Variants in DRC7 observed in about 807,000 individuals in gnomAD.
The protein encoded by DRC7 is dynein regulatory complex subunit 7.
DRC7 carries 80 observed loss-of-function variants against 104.4 expected under a neutral mutation model. The observed-to-expected ratio is 0.77, with a 90% CI of 0.64 to 0.92. DRC7 has a LOEUF of 0.92. DRC7 is among the 40% of genes least tolerant of loss of function. The pLI is 0.00. For missense variants in DRC7, 1,034 were observed against 1,141.1 expected (o/e 0.91, Z 1.35); for synonymous variants, 405 against 447.3 (o/e 0.91, Z 1.19).
intron 14 of DRC7, chr16:57,726,605 A>T (rs1412761477): frequency 9.1e-6 from 5 of 548,940 alleles, no homozygotes; most frequent in Non-Finnish European, 1.6e-5. Context: ...TAGCTTTCCT[A>T]GTCAAACGCT....
intron 7 of DRC7, among the ~76,000 whole-genome samples, chr16:57,705,645 A>ATTT (rs2048707773): frequency 8.9e-6 from 1 of 112,968 alleles, no homozygotes; most frequent in Non-Finnish European, 1.8e-5. Context: ...CCATCCTCCC[A>ATTT]CCCATCCTCC....
At chr16:57,707,092 A>C (rs1413866164) in intron 7 of DRC7, among the ~76,000 whole-genome samples, 1 of 152,160 alleles carries the variant, frequency 6.6e-6, no homozygotes, top group Non-Finnish European at 1.5e-5. Context: ...AATGAACAAC[A>C]AGACAGTCAC....
rs115337501 is a variant in DRC7, at chr16:57,730,983, C to T, written c.2444C>T (p.Thr815Met). The T allele has an allele frequency of 2.6e-3, 4,202 of 1,613,562 alleles. 113 individuals carry two copies. In the South Asian group the frequency reaches 0.033, roughly 13 times the overall value. The change falls in exon 18 of 19, where the codon ACG (threonine) becomes ATG (methionine). Residue 815 changes from threonine to methionine, a missense_variant. Transcript: ENST00000360716. ...KQQWYQENQVTLTPEDEDLYL... is the reference protein window; with the variant it reads ...KQQWYQENQVMLTPEDEDLYL... Reference sequence around the variant, plus strand: ...CAGTGGTACCAGGAGAACCAGGTGACGCTGACACCCGAGGATGAAGACCTG... The same window carrying T: ...CAGTGGTACCAGGAGAACCAGGTGATGCTGACACCCGAGGATGAAGACCTG...
rs769070738 is a variant in DRC7, at chr16:57,727,250, A to T, written c.2086-49A>T. 48 of 1,448,898 alleles carry T rather than the reference A, an allele frequency of 3.3e-5. No homozygotes were observed. The South Asian group carries it at 5.3e-4, about 16-fold the overall frequency. The allele number at this position is 1,448,898 out of a possible 1,614,324, so 89.8% of individuals were successfully genotyped here. ...CTTCCCAAAGTGCTGGGGTTACAGG[A>T]GTGGAGGAGGGGTGTCTCCATCACG... On this transcript the variant is annotated intron_variant, in intron 15 of 18. Coordinates refer to ENST00000360716, the MANE Select transcript of DRC7 (RefSeq NM_001289162.2).
intron 17 of DRC7, among the ~76,000 whole-genome samples, chr16:57,728,874 A>ATGGGTAGATAGATGGATGAATAGG (rs1555575956): frequency 7.3e-6 from 1 of 137,926 alleles, no homozygotes; most frequent in African/African-American, 2.9e-5. Context: ...AGATGGATGA[A>ATGGGTAGATAGATGGATGAATAGG]TAGATAGATG....
intron 10 of DRC7, 125 bp from the exon 11 acceptor site, chr16:57,722,588 C>T: frequency 7.6e-7 from 1 of 1,319,038 alleles, no homozygotes; most frequent in South Asian, 1.4e-5. Flanking sequence ...CTCCCTGGAT[C>T]AGGCTTGGGG....
intron 8 of DRC7, chr16:57,714,634 T>TCACACA (rs111259708): frequency 0.016 from 2,993 of 186,890 alleles, 81 homozygotes; most frequent in African/African-American, 0.068. Flanking sequence ...TCTCTCTCTG[T>TCACACA]CACACACACA....
intron 17 of DRC7, among the ~76,000 whole-genome samples, chr16:57,729,570 G>A (rs1212745628): frequency 1.2e-4 from 11 of 92,442 alleles, no homozygotes; most frequent in African/African-American, 3.4e-4. Flanking sequence ...GAGTGGGTGG[G>A]TGGATGGATG....
Position 57,707,514 on chromosome 16 carries a change from GTCCTTGTGCTA to G in DRC7, c.916_926del (p.Leu306GlyfsTer7). 1 of 1,613,472 alleles carries G rather than the reference GTCCTTGTGCTA, an allele frequency of 6.2e-7. No homozygotes were observed. The highest frequency in any genetic ancestry group is 8.5e-7 in the Non-Finnish European group (1 of 1,180,030). ...GCACGGCCTGCGGGTGCACTCCTGG[GTCCTTGTGCTA>G]TCGGGGAAGCGCGAGGTGCCTGAGA... is the stretch of plus-strand genomic sequence containing the variant. On this transcript the variant is annotated frameshift_variant, in exon 8 of 19. Coordinates refer to ENST00000360716, the MANE Select transcript of DRC7 (RefSeq NM_001289162.2). LOFTEE classifies it high-confidence loss of function.
intron 16 of DRC7, among the ~76,000 whole-genome samples, chr16:57,727,633 A>C (rs1371316847): frequency 6.6e-6 from 1 of 152,224 alleles, no homozygotes; most frequent in Non-Finnish European, 1.5e-5. Flanking sequence ...GCTGTAGCCA[A>C]GCCAAGGCCT....
chr16:57,731,113 G>C, intron 18 of DRC7, 43 bp downstream of exon 18: 3 of 1,613,672 alleles, frequency 1.9e-6, no homozygotes, highest in Non-Finnish European at 2.5e-6. Context: ...TGGGAGGCTG[G>C]ACCACCAGCT....
chr16:57,705,598 T>C (rs1378599152), intron 7 of DRC7, among the ~76,000 whole-genome samples: 1 of 118,386 alleles, frequency 8.4e-6, no homozygotes, highest in East Asian at 3.2e-4. Flanking sequence ...CAACCATCCA[T>C]TCTCCCATCT....
chr16:57,717,480 C>T (rs192149989), intron 8 of DRC7, among the ~76,000 whole-genome samples: 158 of 151,370 alleles, frequency 1.0e-3, no homozygotes, highest in East Asian at 0.01. Context: ...AGGCGTATCA[C>T]TTGAGGTCAG....
chr16:57,699,059 C>T (rs1225949956), intron 4 of DRC7, 35 bp downstream of exon 4: 1 of 1,604,560 alleles, frequency 6.2e-7, no homozygotes, highest in South Asian at 1.1e-5. Flanking sequence ...GGCTGGGGAG[C>T]CTGGGGCTGG....
chr16:57,722,195 T>A (rs2048910615), intron 10 of DRC7, among the ~76,000 whole-genome samples: 3 of 151,880 alleles, frequency 2.0e-5, no homozygotes, highest in Non-Finnish European at 4.4e-5. Flanking sequence ...CCCAGACCTA[T>A]GGGGAGGGCA....
chr16:57,727,503 C>T, intron 16 of DRC7, 94 bp downstream of exon 16: 1 of 865,150 alleles, frequency 1.2e-6, no homozygotes, highest in South Asian at 1.4e-5. Context: ...CTGAGAAACC[C>T]TCTGTGGGGG....
At chr16:57,730,306 T>G (rs1597817405) in intron 17 of DRC7, among the ~76,000 whole-genome samples, 2 of 88,166 alleles carry the variant, frequency 2.3e-5, no homozygotes, top group African/African-American at 4.3e-5. Flanking sequence ...GGTGGGTGGG[T>G]GGATGGATGG....
intron 15 of DRC7, 37 bp from the exon 16 acceptor site, chr16:57,727,262 G>A: frequency 1.3e-6 from 2 of 1,491,654 alleles, no homozygotes; most frequent in Non-Finnish European, 9.4e-7. Context: ...TGGAGGAGGG[G>A]TGTCTCCATC....
At chr16:57,724,580 A>G in intron 12 of DRC7, 35 bp from the exon 13 acceptor site, 1 of 1,500,498 alleles carries the variant, frequency 6.7e-7, no homozygotes, top group South Asian at 1.2e-5. Flanking sequence ...AGTGCTTATG[A>G]AGCTGTCTCC....
Sources: allele counts gnomAD v4.1 joint callset (sites outside exome capture counted in the v4.1 genomes callset), GRCh38; gene constraint gnomAD v4.1.1; transcripts MANE v1.5; gene names NCBI Gene and HGNC (gene_info 2026-07-23, HGNC 2026-07-21).